The following TOX variants were observed in gnomAD, a reference collection of about 807,000 sequenced individuals.
The protein encoded by TOX is thymocyte selection associated high mobility group box, also known as thymocyte selection-associated high mobility group box protein TOX.
In TOX, 11 loss-of-function variants were observed where a neutral mutation model predicts 53.7. The ratio of observed to expected loss-of-function variants is 0.20; its 90% CI spans 0.13 to 0.34. The LOEUF is 0.34. Ranked by LOEUF, TOX falls within the 10% of genes least tolerant of loss-of-function variation. The pLI, the probability that TOX is intolerant of heterozygous loss-of-function variation, is 1.00. For synonymous variants in TOX, 225 were observed against 245.3 expected (o/e 0.92, Z 0.77); for missense variants, 570 against 664.6 (o/e 0.86, Z 1.56).
chr8:59,041,677 C>T (rs772024313), intron 1 of TOX, among the ~76,000 whole-genome samples: 3 of 152,130 alleles, frequency 2.0e-5, no homozygotes, highest in Non-Finnish European at 2.9e-5. Flanking sequence ...CAGTTAAAAA[C>T]GCTAGTGTCA....
intron 1 of TOX, among the ~76,000 whole-genome samples, chr8:59,024,118 G>A (rs892988112): frequency 5.9e-5 from 9 of 152,074 alleles, no homozygotes; most frequent in African/African-American, 9.7e-5. Context: ...TCTCTCTCTC[G>A]CACTGGATTA....
chr8:59,099,648 C>T (rs1248437819), intron 1 of TOX, among the ~76,000 whole-genome samples: 1 of 152,180 alleles, frequency 6.6e-6, no homozygotes, highest in Non-Finnish European at 1.5e-5. Context: ...GAAGCAATCA[C>T]TCCATGTTGG....
intron 1 of TOX, among the ~76,000 whole-genome samples, chr8:59,065,705 T>C (rs1264238485): frequency 2.6e-5 from 4 of 152,234 alleles, no homozygotes; most frequent in South Asian, 2.1e-4. Flanking sequence ...CTTTACTTCA[T>C]AGATGACAGA....
chr8:59,001,340 C>T (rs1484095656), intron 1 of TOX, among the ~76,000 whole-genome samples: 1 of 152,172 alleles, frequency 6.6e-6, no homozygotes, highest in East Asian at 1.9e-4. Context: ...ACTTACATGG[C>T]GTTAAGTATT....
At chr8:58,883,536 G>A (rs181317436) in intron 3 of TOX, among the ~76,000 whole-genome samples, 1 of 152,150 alleles carries the variant, frequency 6.6e-6, no homozygotes, top group Admixed American at 6.5e-5. Context: ...TTTCTACATT[G>A]ACAAATAATT....
intron 1 of TOX, among the ~76,000 whole-genome samples, chr8:59,075,830 AC>A (rs1804283250): frequency 6.6e-6 from 1 of 151,486 alleles, no homozygotes; most frequent in South Asian, 2.1e-4. Context: ...ACATGAAGAA[AC>A]CCCGTCTCTA....
rs569865863 is a variant in TOX, at chr8:58,888,419, A to G, written c.412-36614T>C. 3.9e-5 allele frequency among the ~76,000 whole-genome samples: 6 copies of G among 152,222 alleles called. No individual in the cohort carries two copies. The South Asian group carries it at 6.2e-4, about 16-fold the overall frequency. ...AGGTCACAAAAGAAGACTTGAAGAAATGGAAATACGTGACATGCACTTGAA... is the reference window on the plus strand; with the variant it reads ...AGGTCACAAAAGAAGACTTGAAGAAGTGGAAATACGTGACATGCACTTGAA... On this transcript the variant is annotated intron_variant, in intron 3 of 8. Coordinates refer to ENST00000361421, the MANE Select transcript of TOX (RefSeq NM_014729.3).
At chr8:58,867,576 T>C (rs147315309) in intron 3 of TOX, among the ~76,000 whole-genome samples, 78 of 152,372 alleles carry the variant, frequency 5.1e-4, no homozygotes, top group East Asian at 7.7e-4. Flanking sequence ...AATCTAACAT[T>C]GTCTAGGGTA....
At chr8:59,008,857 C>T (rs946679393) in intron 1 of TOX, among the ~76,000 whole-genome samples, 2 of 152,224 alleles carry the variant, frequency 1.3e-5, no homozygotes, top group Admixed American at 1.3e-4. Flanking sequence ...TGGCACACTA[C>T]AAATCAGCAG....
intron 3 of TOX, among the ~76,000 whole-genome samples, chr8:58,855,031 A>G (rs1173119548): frequency 6.6e-6 from 1 of 152,196 alleles, no homozygotes; most frequent in African/African-American, 2.4e-5. Flanking sequence ...AACCTGAAGT[A>G]GCAGAATATT....
intron 1 of TOX, among the ~76,000 whole-genome samples, chr8:58,982,994 T>C (rs1030436656): frequency 2.6e-5 from 4 of 152,194 alleles, no homozygotes; most frequent in African/African-American, 7.2e-5. Flanking sequence ...TCATACTTTA[T>C]CTCCAAATAT....
At chr8:58,913,640 C>T (rs969591653) in intron 3 of TOX, among the ~76,000 whole-genome samples, 1 of 152,080 alleles carries the variant, frequency 6.6e-6, no homozygotes, top group Non-Finnish European at 1.5e-5. Context: ...TCCTTAGTGT[C>T]TGTTTCATAA....
At chr8:58,868,477 C>T (rs946752120) in intron 3 of TOX, among the ~76,000 whole-genome samples, 3 of 152,120 alleles carry the variant, frequency 2.0e-5, no homozygotes, top group African/African-American at 7.2e-5. Flanking sequence ...AGAGGGACTT[C>T]CACCCACCAA....
intron 1 of TOX, among the ~76,000 whole-genome samples, chr8:58,985,204 G>A (rs535094886): frequency 6.6e-6 from 1 of 151,302 alleles, no homozygotes; most frequent in African/African-American, 2.4e-5. Context: ...GTCCATAGTG[G>A]CATTATTCAC....
intron 1 of TOX, among the ~76,000 whole-genome samples, chr8:59,068,338 C>T (rs1423908817): frequency 6.6e-6 from 1 of 150,380 alleles, no homozygotes; most frequent in Non-Finnish European, 1.5e-5. Context: ...TCTCAGTGTC[C>T]ACAGAGTTTA....
At chr8:58,953,775 C>T (rs971576922) in intron 2 of TOX, among the ~76,000 whole-genome samples, 1 of 152,118 alleles carries the variant, frequency 6.6e-6, no homozygotes, top group African/African-American at 2.4e-5. Flanking sequence ...CCAAAAGGAA[C>T]TAATCCAAAA....
chr8:58,890,108 C>G (rs943518163), intron 3 of TOX, among the ~76,000 whole-genome samples: 4 of 152,074 alleles, frequency 2.6e-5, no homozygotes, highest in Non-Finnish European at 5.9e-5. Flanking sequence ...TAATTCTGAT[C>G]ATCATATTTT....
In TOX at chr8:58,808,209, C is replaced by A. The variant is rs530144894; in HGVS notation, c.1453G>T (p.Val485Phe). 2.3e-5 allele frequency: 37 copies of A among 1,613,998 alleles called. No individual in the cohort carries two copies. The highest frequency in any genetic ancestry group is 3.1e-5 in the Non-Finnish European group (37 of 1,180,004). Residue 485 changes from valine to phenylalanine, a missense_variant, in exon 8 of 9, where the codon GTT (valine) becomes TTT (phenylalanine). Around this residue, in one of 3 missense-constraint regions of TOX, gnomAD observed 239 missense variants for 250.7 expected, o/e 0.95. Transcript: ENST00000361421. ...ACATACTCCATTGCCTGGGTGACAA[C>A]TTGTGCAGCTGTAGATGTAGGATTG... is the stretch of plus-strand genomic sequence containing the variant. ...IINPTSTAAQ[V>F]VTQAMEYVRS... is the part of the protein sequence containing the mutation.
At chr8:58,909,985 C>T (rs1015606494) in intron 3 of TOX, among the ~76,000 whole-genome samples, 6 of 151,994 alleles carry the variant, frequency 3.9e-5, no homozygotes, top group African/African-American at 1.5e-4. Flanking sequence ...CTTGAGTTTC[C>T]AAAATGCCCA....
Sources: gnomAD v4.1 joint callset for allele counts (sites outside exome capture counted in the v4.1 genomes callset) on GRCh38, gnomAD v4.1.1 for gene constraint, gnomAD v4.1.1 regional missense constraint, MANE v1.5 for transcripts, NCBI Gene and HGNC (gene_info 2026-07-23, HGNC 2026-07-21) for gene names.